The following ZNF347 variants were observed in gnomAD, a reference collection of about 807,000 sequenced individuals.
ZNF347 encodes the protein zinc finger protein 347.
In ZNF347, 19 loss-of-function variants were observed where a neutral mutation model predicts 12.9. The observed-to-expected ratio is 1.47, with a 90% CI of 1.03 to 2.16. The LOEUF (loss-of-function observed/expected upper bound fraction) is 2.16, where lower values mean the gene tolerates loss of function less well. Ranked by LOEUF, ZNF347 falls within the 30% of genes most tolerant of loss-of-function variation. The pLI is 0.00. For synonymous variants in ZNF347, 328 were observed against 340.6 expected, an observed-to-expected ratio of 0.96 and a Z score of 0.41; for missense variants, 1,005 against 990.6, an observed-to-expected ratio of 1.01 and a Z score of -0.19.
chr19:53,137,786 T>A lies in ZNF347; in HGVS notation c.*2522A>T, dbSNP rs1254534767. ...ATTCTTAGTGTTATTTTTGTTATTC[T>A]GCACTATTTATAATTTCATAATTTT... is the stretch of plus-strand genomic sequence containing the variant. On this transcript the variant is annotated 3_prime_UTR_variant, in exon 5 of 5. Transcript: ENST00000334197. 1 of 152,210 alleles carries A rather than the reference T, an allele frequency of 6.6e-6. No homozygotes were observed. The highest frequency in any genetic ancestry group is 1.5e-5 in the Non-Finnish European group (1 of 68,040). The allele number at this position is 152,210 out of a possible 1,614,324, so 9.4% of individuals were successfully genotyped here.
intron 1 of ZNF347, among the ~76,000 whole-genome samples, chr19:53,154,009 C>A (rs557821346): frequency 1.3e-5 from 2 of 152,206 alleles, no homozygotes; most frequent in East Asian, 3.9e-4. Flanking sequence ...GAGTTTCTGA[C>A]CCCTTTCTTC....
chr19:53,148,708 A>G lies in ZNF347; in HGVS notation c.244T>C (p.Trp82Arg). 6.2e-7 allele frequency: 1 copy of G among 1,613,930 alleles called. No individual in the cohort carries two copies. The highest frequency in any genetic ancestry group is 8.5e-7 in the Non-Finnish European group (1 of 1,179,906). ...QVQIAGNPDG[W>R]EWIKAVITAL... ...GTGATCACAGCTTTGATCCATTCCCATCCATCTGGGTTTCCTGCTATTTGT... is the reference window on the plus strand; with the variant it reads ...GTGATCACAGCTTTGATCCATTCCCGTCCATCTGGGTTTCCTGCTATTTGT... The change falls in exon 4 of 5, where the codon TGG becomes CGG. Residue 82 changes from tryptophan to arginine, a missense_variant. Coordinates refer to ENST00000334197, the MANE Select transcript of ZNF347 (RefSeq NM_032584.3).
chr19:53,147,103 G>C (rs10405714), intron 4 of ZNF347, among the ~76,000 whole-genome samples: 2 of 152,016 alleles, frequency 1.3e-5, no homozygotes, highest in African/African-American at 4.8e-5. Context: ...GGCCAGGCAC[G>C]GTGGCTCACG....
In ZNF347 at chr19:53,140,081, G is replaced by A; in HGVS notation, c.*227C>T. The A allele has an allele frequency of 2.1e-6, 1 of 465,176 alleles. No homozygotes were observed. Among genetic ancestry groups the A allele is most frequent in the South Asian group, 3.7e-5 (1 of 27,312 alleles). The allele number at this position is 465,176 out of a possible 1,614,324, so 28.8% of individuals were successfully genotyped here. ...AGGCCTAGCTAATTGTGTACTTTTA[G>A]TAGAAATGGGGTTTCGCCATGTTGG... On this transcript the variant is annotated 3_prime_UTR_variant, in exon 5 of 5. Coordinates refer to ENST00000334197, the MANE Select transcript of ZNF347 (RefSeq NM_032584.3).
In ZNF347 at chr19:53,142,143, T is replaced by C. The variant is rs765304316; in HGVS notation, c.685A>G (p.Asn229Asp). Residue 229 changes from asparagine to aspartate, a missense_variant, in exon 5 of 5, where the codon AAT becomes GAT. Coordinates refer to ENST00000334197, the MANE Select transcript of ZNF347 (RefSeq NM_032584.3). ...TTCTTAGAAATGTGGGTTTTGACAT[T>C]ATAAGGCATTTGTTGAGGTGGTGAA... Reference protein sequence around the residue: ...SVSPPQQMPYNVKTHISKKYL... With the variant: ...SVSPPQQMPYDVKTHISKKYL... 4.3e-6 allele frequency: 7 copies of C among 1,614,030 alleles called. No homozygotes were observed. Among genetic ancestry groups the C allele is most frequent in the Admixed American group, 1.7e-5 (1 of 60,008 alleles).
chr19:53,136,441 C>CA lies in ZNF347; in HGVS notation c.*3866dup, dbSNP rs2090388332. 6.6e-6 allele frequency: 1 copy of CA among 151,536 alleles called. No individual in the cohort carries two copies. Among genetic ancestry groups the CA allele is most frequent in the Non-Finnish European group, 1.5e-5 (1 of 67,848 alleles). The allele number at this position is 151,536 out of a possible 1,614,324, so 9.4% of individuals were successfully genotyped here. Reference sequence around the variant, plus strand: ...TTAAAGTAAAAATCATATACAAAAACAAAAAGTCATTTTACTACTATTGGC... The same window carrying CA: ...TTAAAGTAAAAATCATATACAAAAACAAAAAAGTCATTTTACTACTATTGGC... On this transcript the variant is annotated 3_prime_UTR_variant, in exon 5 of 5. Coordinates refer to ENST00000334197, the MANE Select transcript of ZNF347 (RefSeq NM_032584.3).
intron 4 of ZNF347, among the ~76,000 whole-genome samples, chr19:53,146,678 C>G (rs1314796358): frequency 6.6e-6 from 1 of 151,908 alleles, no homozygotes; most frequent in Non-Finnish European, 1.5e-5. Context: ...AAATCAGAGA[C>G]AAAACAGAAA....
chr19:53,143,789 T>G (rs1308861910), intron 4 of ZNF347, among the ~76,000 whole-genome samples: 1 of 152,162 alleles, frequency 6.6e-6, no homozygotes, highest in East Asian at 1.9e-4. Flanking sequence ...TCTAGATCCC[T>G]GAGGAATCGC....
chr19:53,158,221 A>G (rs71363308), intron 1 of ZNF347, among the ~76,000 whole-genome samples: 25,991 of 151,988 alleles, frequency 0.17, 2,418 homozygotes, highest in Middle Eastern at 0.23. Context: ...GGGGACTGCG[A>G]AGGGGAGGCC....
In ZNF347 at chr19:53,139,829, T is replaced by C. The variant is rs1360439213; in HGVS notation, c.*479A>G. The C allele has an allele frequency of 6.4e-6, 1 of 157,232 alleles. No homozygotes were observed. The highest frequency in any genetic ancestry group is 1.4e-5 in the Non-Finnish European group (1 of 70,888). The allele number at this position is 157,232 out of a possible 1,614,324, so 9.7% of individuals were successfully genotyped here. On this transcript the variant is annotated 3_prime_UTR_variant, in exon 5 of 5. Transcript: ENST00000334197. ...TGTCACACACAGTACATTTATGTGA[T>C]TTCTCATTATTATGGACTCTTGGAT...
chr19:53,142,077 CCT>C lies in ZNF347; in HGVS notation c.749_750del (p.Gln250ArgfsTer6), dbSNP rs1232773806. 6.2e-7 allele frequency: 1 copy of C among 1,612,300 alleles called. No individual in the cohort carries two copies. The highest frequency in any genetic ancestry group is 8.5e-7 in the Non-Finnish European group (1 of 1,179,584). On this transcript the variant is annotated frameshift_variant, in exon 5 of 5. Coordinates refer to ENST00000334197, the MANE Select transcript of ZNF347 (RefSeq NM_032584.3). LOFTEE classifies it low-confidence loss of function (END_TRUNC). ...CTTCCCCAATTATTTGCTTTTTGCCCCTGTGTGAGTAATAAAGAAGAGATAAA... is the reference window on the plus strand; with the variant it reads ...CTTCCCCAATTATTTGCTTTTTGCCCGTGTGAGTAATAAAGAAGAGATAAA... ...KDFISSLLLTQGQKANNWGSP... is the reference protein window; with the variant it reads ...KDFISSLLLTXGQKANNWGSP...
chr19:53,137,359 A>C lies in ZNF347; in HGVS notation c.*2949T>G, dbSNP rs2090393217. 1 of 152,094 alleles carries C rather than the reference A, an allele frequency of 6.6e-6. No homozygotes were observed. The highest frequency in any genetic ancestry group is 1.5e-5 in the Non-Finnish European group (1 of 68,002). 9.4% of individuals were successfully genotyped at this position (152,094 alleles called of 1,614,324 possible). On this transcript the variant is annotated 3_prime_UTR_variant, in exon 5 of 5. Coordinates refer to ENST00000334197, the MANE Select transcript of ZNF347 (RefSeq NM_032584.3). ...TCCGTGTTCCCTCCTTTGGCACTAG[A>C]TGGAAGTTCAAATCACGTGTGGGAT... is the stretch of plus-strand genomic sequence containing the variant.
chr19:53,147,145 C>T (rs1311877825), intron 4 of ZNF347, among the ~76,000 whole-genome samples: 2 of 152,066 alleles, frequency 1.3e-5, no homozygotes, highest in East Asian at 3.9e-4. Flanking sequence ...GTGGTTGAGG[C>T]AGGTGGATCA....
intron 1 of ZNF347, among the ~76,000 whole-genome samples, chr19:53,156,340 C>T (rs1451652107): frequency 1.3e-5 from 2 of 151,862 alleles, no homozygotes; most frequent in Non-Finnish European, 2.9e-5. Flanking sequence ...GAGGCAGAGG[C>T]TGCCTTGAGC....
At chr19:53,152,269 CAT>C (rs927147059) in intron 2 of ZNF347, among the ~76,000 whole-genome samples, 2 of 152,030 alleles carry the variant, frequency 1.3e-5, no homozygotes, top group African/African-American at 4.8e-5. Flanking sequence ...AACATGAAAA[CAT>C]GTAAATTTTC....
chr19:53,153,673 A>C lies in ZNF347; in HGVS notation c.15+60T>G, dbSNP rs147075864. On this transcript the variant is annotated intron_variant, in intron 2 of 4. Coordinates refer to ENST00000334197, the MANE Select transcript of ZNF347 (RefSeq NM_032584.3). The stretch of plus-strand genomic sequence containing the variant: ...GACTCAGAGAAGATTCCCAACTTCA[A>C]AGAATGACATTTCAAGAAGAAATAA... 469 of 1,597,082 alleles carry C rather than the reference A, an allele frequency of 2.9e-4. 2 individuals carry two copies. The African/African-American group carries it at 5.7e-3, about 19-fold the overall frequency.
At chr19:53,146,551 C>T (rs968705282) in intron 4 of ZNF347, among the ~76,000 whole-genome samples, 5 of 152,144 alleles carry the variant, frequency 3.3e-5, no homozygotes, top group Non-Finnish European at 7.4e-5. Flanking sequence ...CCTGGGATTA[C>T]AGGCATGAGG....
In ZNF347 at chr19:53,140,849, T is replaced by A; in HGVS notation, c.1979A>T (p.Lys660Met). Reference protein sequence around the residue: ...EKPYKCNECGKVFTQNSHLAR... With the variant: ...EKPYKCNECGMVFTQNSHLAR... The stretch of plus-strand genomic sequence containing the variant: ...AAGGTGTGAATTCTGAGTGAAGACC[T>A]TGCCACACTCATTACATTTGTAAGG... The change falls in exon 5 of 5, where the codon AAG becomes ATG. Residue 660 changes from lysine to methionine, a missense_variant. Coordinates refer to ENST00000334197, the MANE Select transcript of ZNF347 (RefSeq NM_032584.3). The A allele has an allele frequency of 6.2e-7, 1 of 1,613,940 alleles. No homozygotes were observed. Among genetic ancestry groups the A allele is most frequent in the Non-Finnish European group, 8.5e-7 (1 of 1,179,896 alleles).
intron 2 of ZNF347, among the ~76,000 whole-genome samples, chr19:53,150,603 T>C (rs1032757859): frequency 5.3e-5 from 8 of 152,128 alleles, no homozygotes; most frequent in Non-Finnish European, 8.8e-5. Context: ...AGAGCATGAG[T>C]GATGTCTTAC....
Sources: allele counts gnomAD v4.1 joint callset (sites outside exome capture counted in the v4.1 genomes callset), GRCh38; gene constraint gnomAD v4.1.1; transcripts MANE v1.5; gene names NCBI Gene and HGNC (gene_info 2026-07-23, HGNC 2026-07-21).